Variants in NRG3 observed in about 807,000 individuals in gnomAD.
NRG3 encodes neuregulin 3.
NRG3 carries 31 observed loss-of-function variants against 66.9 expected under a neutral mutation model. That is an observed-to-expected ratio of 0.46 (90% CI 0.35 to 0.63). NRG3 has a LOEUF of 0.63. NRG3 is among the 20% of genes least tolerant of loss of function. NRG3 has a pLI of 0.00. For missense variants in NRG3, 910 were observed against 878.9 expected, an observed-to-expected ratio of 1.04 and a Z score of -0.45; for synonymous variants, 393 against 359.4, an observed-to-expected ratio of 1.09 and a Z score of -1.06.
rs76741700 is a variant in NRG3, at chr10:82,970,417, C to T, written c.1285-3371C>T. Among the ~76,000 whole-genome samples, 1,130 of 152,280 alleles carry T rather than the reference C, an allele frequency of 7.4e-3. 20 individuals are homozygous for T. The highest frequency in any genetic ancestry group is 0.026 in the African/African-American group (1,090 of 41,550). On this transcript the variant is annotated intron_variant, in intron 6 of 8. Transcript: ENST00000372141. ...TGGGCTCAAATGACCCTCCCACCTC[C>T]ACTTCCCAAGTAGCTGGGACTACAG... is the stretch of plus-strand genomic sequence containing the variant.
chr10:82,839,711 A>G (rs988130384), intron 3 of NRG3, among the ~76,000 whole-genome samples: 1 of 151,900 alleles, frequency 6.6e-6, no homozygotes, highest in African/African-American at 2.4e-5. Context: ...TTAAAATGTA[A>G]CGATGTATGT....
At chr10:82,725,303 A>AC (rs1454325149) in intron 2 of NRG3, among the ~76,000 whole-genome samples, 1 of 152,192 alleles carries the variant, frequency 6.6e-6, no homozygotes, top group Admixed American at 6.5e-5. Flanking sequence ...AGAAACCTGC[A>AC]CCTAACATTT....
intron 1 of NRG3, among the ~76,000 whole-genome samples, chr10:82,066,184 C>T (rs1342723284): frequency 2.0e-5 from 3 of 152,006 alleles, no homozygotes; most frequent in African/African-American, 7.2e-5. Flanking sequence ...CTAAAAATAA[C>T]TACCATATAA....
intron 1 of NRG3, among the ~76,000 whole-genome samples, chr10:82,077,047 T>C (rs999276879): frequency 6.6e-6 from 1 of 152,114 alleles, no homozygotes; most frequent in Admixed American, 6.5e-5. Flanking sequence ...AACCCTAGAA[T>C]AAAATTTTGG....
At chr10:82,799,144 T>C (rs2060922569) in intron 3 of NRG3, among the ~76,000 whole-genome samples, 1 of 152,144 alleles carries the variant, frequency 6.6e-6, no homozygotes, top group African/African-American at 2.4e-5. Context: ...ATCAGCATGA[T>C]AGAGTTCTAA....
intron 4 of NRG3, among the ~76,000 whole-genome samples, chr10:82,940,644 C>A (rs1016080865): frequency 1.3e-5 from 2 of 152,094 alleles, no homozygotes; most frequent in Non-Finnish European, 2.9e-5. Flanking sequence ...CTGGGAAGAC[C>A]AGGGTCAAGA....
At chr10:82,973,384 A>G (rs1458012124) in intron 6 of NRG3, among the ~76,000 whole-genome samples, 1 of 152,220 alleles carries the variant, frequency 6.6e-6, no homozygotes, top group Non-Finnish European at 1.5e-5. Context: ...ATGTTATGAA[A>G]TTTAATAAGT....
At chr10:82,303,417 CTA>C (rs1421084301) in intron 1 of NRG3, among the ~76,000 whole-genome samples, 3 of 152,158 alleles carry the variant, frequency 2.0e-5, no homozygotes, top group South Asian at 2.1e-4. Context: ...TCTGAGGACT[CTA>C]TTATGATTTG....
intron 1 of NRG3, among the ~76,000 whole-genome samples, chr10:82,102,003 G>GTATATATATATATATA (rs142461785): frequency 0.03 from 3,841 of 129,108 alleles, 157 homozygotes; most frequent in Non-Finnish European, 0.045. Context: ...ATATGTGTGC[G>GTATATATATATATATA]TATATATATA....
chr10:82,337,226 A>C lies in NRG3; in HGVS notation c.824-21513A>C, dbSNP rs148509344. Among the ~76,000 whole-genome samples the C allele has an allele frequency of 4.8e-3, 728 of 152,334 alleles. 5 individuals carry two copies. Among genetic ancestry groups the C allele is most frequent in the African/African-American group, 0.017 (693 of 41,578 alleles). ...ATTTTCTGTCTCTGTGGATTTGCCT[A>C]TTCTGGACATTTCCTATAAATGGAA... is the stretch of plus-strand genomic sequence containing the variant. On this transcript the variant is annotated intron_variant, in intron 1 of 8. Coordinates refer to ENST00000372141, the MANE Select transcript of NRG3 (RefSeq NM_001010848.4).
Position 82,985,031 on chromosome 10 carries a change from G to A in NRG3, c.1584-67G>A, listed in dbSNP as rs1416129621. The A allele has an allele frequency of 5.8e-6, 9 of 1,553,820 alleles. No homozygotes were observed. In the African/African-American group the frequency reaches 1.2e-4, roughly 21 times the overall value. On this transcript the variant is annotated intron_variant, in intron 8 of 8. Transcript: ENST00000372141. ...ATGGTGCATGTGAAAAGTGCTTTGT[G>A]GATTGAGTATTGCTCTAACAAAGCC...
In NRG3 at chr10:82,306,732, AAAAAG is replaced by A. The variant is rs1360688595; in HGVS notation, c.824-52006_824-52002del. Among the ~76,000 whole-genome samples the A allele has an allele frequency of 1.2e-4, 17 of 137,736 alleles. No individual in the cohort carries two copies. The East Asian group carries it at 3.7e-3, about 30-fold the overall frequency. 90.4% of individuals were successfully genotyped at this position (137,736 alleles called of 152,430 possible). The stretch of plus-strand genomic sequence containing the variant: ...AAAAAAAAAAAAAAAAAAAAAAAAA[AAAAAG>A]TCTGGCAGAATTCTTCCATGGACAC... On this transcript the variant is annotated intron_variant, in intron 1 of 8. Transcript: ENST00000372141.
intron 2 of NRG3, among the ~76,000 whole-genome samples, chr10:82,464,504 G>C (rs1176762793): frequency 1.3e-5 from 2 of 152,164 alleles, no homozygotes; most frequent in Admixed American, 6.5e-5. Flanking sequence ...GGAACTAAAA[G>C]AGCCAGCCTT....
Position 82,942,959 on chromosome 10 carries a change from T to TA in NRG3, c.1055-8502dup, listed in dbSNP as rs1013873031. Among the ~76,000 whole-genome samples, 11 of 151,154 alleles carry TA rather than the reference T, an allele frequency of 7.3e-5. No homozygotes were observed. In the East Asian group the frequency reaches 9.7e-4, roughly 13 times the overall value. On this transcript the variant is annotated intron_variant, in intron 4 of 8. Coordinates refer to ENST00000372141, the MANE Select transcript of NRG3 (RefSeq NM_001010848.4). Reference sequence around the variant, plus strand: ...AGTTACCAAGAGTGAAAGTACAAGTTAAAAAAAATGAGTTAAAAAAAAAAG... The same window carrying TA: ...AGTTACCAAGAGTGAAAGTACAAGTTAAAAAAAAATGAGTTAAAAAAAAAAG...
At chr10:82,813,761 G>A (rs2061592434) in intron 3 of NRG3, among the ~76,000 whole-genome samples, 1 of 151,808 alleles carries the variant, frequency 6.6e-6, no homozygotes, top group African/African-American at 2.4e-5. Flanking sequence ...GAATTTTGTG[G>A]TGGAGACCAT....
chr10:82,303,748 A>G (rs1438820543), intron 1 of NRG3, among the ~76,000 whole-genome samples: 1 of 152,000 alleles, frequency 6.6e-6, no homozygotes, highest in Non-Finnish European at 1.5e-5. Context: ...AGGGCCTGTA[A>G]TCCCAGCTAC....
At chr10:82,432,639 G>A (rs947495137) in intron 2 of NRG3, among the ~76,000 whole-genome samples, 2 of 151,904 alleles carry the variant, frequency 1.3e-5, no homozygotes, top group African/African-American at 4.8e-5. Context: ...AATAGGCCTT[G>A]TTGTGTGTTG....
At chr10:82,680,085 A>G (rs1358875299) in intron 2 of NRG3, among the ~76,000 whole-genome samples, 4 of 152,214 alleles carry the variant, frequency 2.6e-5, no homozygotes, top group East Asian at 1.9e-4. Flanking sequence ...TATGAATTTT[A>G]CCAATCACCA....
At chr10:82,788,891 T>C (rs1010351576) in intron 3 of NRG3, among the ~76,000 whole-genome samples, 3 of 152,146 alleles carry the variant, frequency 2.0e-5, no homozygotes, top group Non-Finnish European at 2.9e-5. Context: ...TTCTTTGTAT[T>C]GCAAAATAAT....
Sources: gnomAD v4.1 joint callset for allele counts (sites outside exome capture counted in the v4.1 genomes callset) on GRCh38, gnomAD v4.1.1 for gene constraint, MANE v1.5 for transcripts, NCBI Gene and HGNC (gene_info 2026-07-23, HGNC 2026-07-21) for gene names.